CEPT1: variants seen among roughly 807,000 people sequenced by gnomAD.
The protein encoded by CEPT1 is choline/ethanolamine phosphotransferase 1, also known as choline/ethanolaminephosphotransferase 1.
Under a neutral mutation model 42.6 loss-of-function variants are expected in CEPT1, and 7 were observed. The observed-to-expected ratio is 0.16, with a 90% confidence interval of 0.09 to 0.31. The LOEUF is 0.31. CEPT1 is among the 10% of genes least tolerant of loss of function. The pLI is 1.00. For missense variants in CEPT1, 306 were observed against 502.1 expected, an observed-to-expected ratio of 0.61 and a Z score of 3.73; for synonymous variants, 171 against 171.9, an observed-to-expected ratio of 0.99 and a Z score of 0.04.
intron 2 of CEPT1, among the ~76,000 whole-genome samples, chr1:111,158,789 T>C (rs1655707703): frequency 6.6e-6 from 1 of 152,144 alleles, no homozygotes; most frequent in South Asian, 2.1e-4. Context: ...TAAAGAATCT[T>C]ATGGAAGACA....
chr1:111,149,626 T>G (rs544176073), intron 2 of CEPT1, among the ~76,000 whole-genome samples: 1 of 152,346 alleles, frequency 6.6e-6, no homozygotes, highest in South Asian at 2.1e-4. Context: ...AACCAGTACA[T>G]TATTTAAATG....
Position 111,147,761 on chromosome 1 carries a change from CG to C in CEPT1, c.49del (p.Glu17SerfsTer9). On this transcript the variant is annotated frameshift_variant, in exon 2 of 9. Coordinates refer to ENST00000357172, the MANE Select transcript of CEPT1 (RefSeq NM_006090.5). LOFTEE classifies it high-confidence loss of function. ...STRKRCGDSH[P>X]ESPVGFGHMS... Reference sequence around the variant, plus strand: ...AGGAAAAGATGTGGAGATTCTCACCCGGAGTCCCCAGTGGGCTTCGGGCATA... The same window carrying C: ...AGGAAAAGATGTGGAGATTCTCACCCGAGTCCCCAGTGGGCTTCGGGCATA... 6.2e-7 allele frequency: 1 copy of C among 1,613,694 alleles called. No homozygotes were observed. The highest frequency in any genetic ancestry group is 8.5e-7 in the Non-Finnish European group (1 of 1,179,732).
At position 111,147,744 on chromosome 1, in the gene CEPT1, A is replaced by T. The variant is rs1210500059; in HGVS notation, c.30A>T (p.Arg10Ser). The change falls in exon 2 of 9, where the codon AGA becomes AGT. Residue 10 changes from arginine to serine, a missense_variant. Around this residue, in one of 2 missense-constraint regions of CEPT1, gnomAD observed 53 missense variants for 54.8 expected, o/e 0.97. Coordinates refer to ENST00000357172, the MANE Select transcript of CEPT1 (RefSeq NM_006090.5). MSGHRSTRK[R>S]CGDSHPESPV... The stretch of plus-strand genomic sequence containing the variant: ...GTGGGCATCGATCAACAAGGAAAAG[A>T]TGTGGAGATTCTCACCCGGAGTCCC... 4 of 1,612,742 alleles carry T rather than the reference A, an allele frequency of 2.5e-6. No homozygotes were observed. The Admixed American group carries it at 5.0e-5, about 20-fold the overall frequency.
chr1:111,181,653 C>T (rs1656993128), intron 5 of CEPT1: 1 of 152,162 alleles, frequency 6.6e-6, no homozygotes, highest in Non-Finnish European at 1.5e-5. Flanking sequence ...CTGCCTGTAT[C>T]CTAACAATTT....
intron 2 of CEPT1, among the ~76,000 whole-genome samples, chr1:111,149,397 G>A (rs1655148667): frequency 6.6e-6 from 1 of 151,668 alleles, no homozygotes; most frequent in Admixed American, 6.6e-5. Context: ...CAAGTAACTG[G>A]GATTACAGGC....
intron 5 of CEPT1, chr1:111,179,426 A>G (rs548319167): frequency 3.7e-4 from 57 of 152,284 alleles, no homozygotes; most frequent in African/African-American, 1.2e-3. Context: ...CTCTTTGGCT[A>G]TTTCTAAAGA....
intron 2 of CEPT1, among the ~76,000 whole-genome samples, chr1:111,150,802 G>C (rs190377424): frequency 4.3e-4 from 65 of 152,230 alleles, no homozygotes; most frequent in Admixed American, 2.3e-3. Context: ...CACATTCTTA[G>C]GGTAGAAATA....
intron 4 of CEPT1, chr1:111,167,507 A>T: frequency 1.1e-6 from 1 of 876,466 alleles, no homozygotes; most frequent in African/African-American, 1.8e-5. Context: ...AGTAAATAGA[A>T]TTTTTTTTAT....
rs560448244 is a variant in CEPT1, at chr1:111,145,526, A to AT, written c.-73-2116_-73-2115insT. On this transcript the variant is annotated intron_variant, in intron 1 of 8. Transcript: ENST00000357172. ...ATTTGATATTTATAGGGATATAGGA[A>AT]AAAAGTCCTGTTCCATTGTGTTCAC... Among the ~76,000 whole-genome samples, 156 of 152,356 alleles carry AT rather than the reference A, an allele frequency of 1.0e-3. 2 individuals carry two copies. The South Asian group carries it at 0.031, about 31-fold the overall frequency.
At chr1:111,152,719 T>TCC (rs1655347747) in intron 2 of CEPT1, among the ~76,000 whole-genome samples, 1 of 152,182 alleles carries the variant, frequency 6.6e-6, no homozygotes, top group Non-Finnish European at 1.5e-5. Context: ...ATTATGCTTT[T>TCC]TAAGCTGAGA....
chr1:111,144,507 T>A (rs1654847094), intron 1 of CEPT1, among the ~76,000 whole-genome samples: 1 of 152,138 alleles, frequency 6.6e-6, no homozygotes, highest in Non-Finnish European at 1.5e-5. Flanking sequence ...TAGATGTTTA[T>A]AAAAGAGAAA....
rs762302823 is a variant in CEPT1, at chr1:111,161,313, G to A, written c.629+17G>A. 6.3e-7 allele frequency: 1 copy of A among 1,578,668 alleles called. No individual in the cohort carries two copies. Among genetic ancestry groups the A allele is most frequent in the Non-Finnish European group, 8.6e-7 (1 of 1,164,322 alleles). On this transcript the variant is annotated intron_variant, in intron 4 of 8. Transcript: ENST00000357172. ...ATTTGGAATGTAAGTAATACTTAAT[G>A]GTAATTTTTGTTTTCTCTTTCACAT...
intron 2 of CEPT1, among the ~76,000 whole-genome samples, chr1:111,153,381 T>G (rs1655389986): frequency 6.6e-6 from 1 of 152,150 alleles, no homozygotes; most frequent in Non-Finnish European, 1.5e-5. Context: ...GGTAATTTTG[T>G]ATTTTTAGTT....
intron 1 of CEPT1, chr1:111,143,358 T>C (rs1000917354): frequency 6.6e-6 from 1 of 152,266 alleles, no homozygotes; most frequent in Non-Finnish European, 1.5e-5. Flanking sequence ...TTCACCCTGT[T>C]TAAAATGTGT....
At chr1:111,178,671 A>AT (rs1656822559) in intron 5 of CEPT1, 1 of 152,134 alleles carries the variant, frequency 6.6e-6, no homozygotes, top group Non-Finnish European at 1.5e-5. Flanking sequence ...ACTTAATATA[A>AT]TCAACTCATG....
At chr1:111,151,319 T>TCCA (rs1179032799) in intron 2 of CEPT1, among the ~76,000 whole-genome samples, 21 of 152,176 alleles carry the variant, frequency 1.4e-4, no homozygotes, top group African/African-American at 5.1e-4. Flanking sequence ...AGACAGGGTT[T>TCCA]CAACATGTTG....
intron 1 of CEPT1, among the ~76,000 whole-genome samples, chr1:111,142,543 C>T (rs1213223069): frequency 1.3e-5 from 2 of 152,152 alleles, no homozygotes; most frequent in African/African-American, 4.8e-5. Flanking sequence ...GTAATCCTAG[C>T]TTCTCTGTGG....
chr1:111,162,526 T>C (rs758502842), intron 4 of CEPT1, among the ~76,000 whole-genome samples: 21 of 152,134 alleles, frequency 1.4e-4, no homozygotes, highest in South Asian at 2.1e-4. Flanking sequence ...AAGAGAGCAG[T>C]CTACCCAGAA....
At chr1:111,143,298 G>A (rs541497023) in intron 1 of CEPT1, among the ~76,000 whole-genome samples, 7 of 152,216 alleles carry the variant, frequency 4.6e-5, no homozygotes, top group South Asian at 2.1e-4. Context: ...CCCCTAAAAC[G>A]TCTGGCTCCT....
Sources: gnomAD v4.1 joint callset for allele counts (sites outside exome capture counted in the v4.1 genomes callset) on GRCh38, gnomAD v4.1.1 for gene constraint, gnomAD v4.1.1 regional missense constraint, MANE v1.5 for transcripts, NCBI Gene and HGNC (gene_info 2026-07-23, HGNC 2026-07-21) for gene names.